Variants in SLC22A11 observed in about 807,000 individuals in gnomAD.
SLC22A11 encodes the protein organic anion transporter 4.
Under a neutral mutation model 49.4 loss-of-function variants are expected in SLC22A11, and 42 were observed. The ratio of observed to expected loss-of-function variants is 0.85; its 90% CI spans 0.66 to 1.10. SLC22A11 has a LOEUF of 1.10. Ranked by LOEUF, SLC22A11 falls within the 50% of genes least tolerant of loss-of-function variation. The pLI is 0.00. For synonymous variants in SLC22A11, 304 were observed against 315.8 expected, an observed-to-expected ratio of 0.96 and a Z score of 0.40; for missense variants, 685 against 731.6, an observed-to-expected ratio of 0.94 and a Z score of 0.74.
intron 2 of SLC22A11, among the ~76,000 whole-genome samples, chr11:64,560,896 C>T (rs2038534417): frequency 6.6e-6 from 1 of 152,218 alleles, no homozygotes; most frequent in Admixed American, 6.5e-5. Context: ...CCTTATCCCA[C>T]CCAGCCTTGT....
At position 64,559,031 on chromosome 11, in the gene SLC22A11, A is replaced by T. The variant is rs1018011685; in HGVS notation, c.394-104A>T. 4.3e-6 allele frequency: 4 copies of T among 937,936 alleles called. No homozygotes were observed. The African/African-American group carries it at 4.8e-5, about 11-fold the overall frequency. The allele number at this position is 937,936 out of a possible 1,614,324, so 58.1% of individuals were successfully genotyped here. ...GTCCTCTCTACCTCTGTGACCTGGC[A>T]CTGGGAGTCCAGGGACCCCAGTGTG... On this transcript the variant is annotated intron_variant, in intron 1 of 9. Coordinates refer to ENST00000301891, the MANE Select transcript of SLC22A11 (RefSeq NM_018484.4).
chr11:64,560,812 A>C (rs986018429), intron 2 of SLC22A11, among the ~76,000 whole-genome samples: 1 of 152,142 alleles, frequency 6.6e-6, no homozygotes, highest in Non-Finnish European at 1.5e-5. Context: ...TCATGAATGG[A>C]GGACTGCCTT....
Position 64,565,381 on chromosome 11 carries a change from G to A in SLC22A11, c.1058+44G>A, listed in dbSNP as rs143792611. 187 of 1,492,348 alleles carry A rather than the reference G, an allele frequency of 1.3e-4. 1 individual carries two copies. The Middle Eastern group carries it at 4.7e-3, about 37-fold the overall frequency. 92.4% of individuals were successfully genotyped at this position (1,492,348 alleles called of 1,614,324 possible). On this transcript the variant is annotated intron_variant, in intron 6 of 9. Transcript: ENST00000301891. This position sits in a 1 kb window ranked among gnomAD's most constrained non-coding sequence, Gnocchi z 4.1. Reference sequence around the variant, plus strand: ...CCTCCCCAAGGCAGGGCTGGGACAGGCAGGAGGCAGAGCTGGGACAGGCAG... The same window carrying A: ...CCTCCCCAAGGCAGGGCTGGGACAGACAGGAGGCAGAGCTGGGACAGGCAG...
chr11:64,559,290 G>A, intron 2 of SLC22A11, 52 bp downstream of exon 2: 2 of 1,360,304 alleles, frequency 1.5e-6, no homozygotes, highest in Non-Finnish European at 2.0e-6. Flanking sequence ...CATTGTTGAA[G>A]ACTATGGGGC....
At chr11:64,561,879 G>A in intron 2 of SLC22A11, 125 bp from the exon 3 acceptor site, 1 of 1,190,780 alleles carries the variant, frequency 8.4e-7, no homozygotes, top group Admixed American at 2.5e-5. Context: ...AAAGTTCCAA[G>A]AAGGAGGAGC....
intron 2 of SLC22A11, among the ~76,000 whole-genome samples, chr11:64,559,902 G>A (rs527402733): frequency 1.3e-5 from 2 of 152,276 alleles, no homozygotes; most frequent in South Asian, 4.1e-4. Context: ...CCTGCTGGCG[G>A]GGAGAAGCGT....
chr11:64,568,947 G>C (rs1385397841), intron 8 of SLC22A11, among the ~76,000 whole-genome samples, 169 bp downstream of exon 8: 1 of 152,236 alleles, frequency 6.6e-6, no homozygotes, highest in Non-Finnish European at 1.5e-5. Flanking sequence ...AAGCAGTACA[G>C]TAGAGCCCTG....
At position 64,568,756 on chromosome 11, in the gene SLC22A11, GA is replaced by G; in HGVS notation, c.1362del (p.Glu454AspfsTer9). On this transcript the variant is annotated frameshift_variant, in exon 8 of 10. Transcript: ENST00000301891. LOFTEE classifies it high-confidence loss of function. ...SLTCLTIYKA[E>X]LFPTPVRMTA... ...AACCTGCCTCACCATCTACAAGGCT[GA>G]ACTCTTTCCAACGCCAGTGCGGTAA... 1 of 1,613,988 alleles carries G rather than the reference GA, an allele frequency of 6.2e-7. No individual in the cohort carries two copies. The highest frequency in any genetic ancestry group is 8.5e-7 in the Non-Finnish European group (1 of 1,179,974).
rs2038721755 is a variant in SLC22A11 at position 64,572,874 on chromosome 11, T to C, written c.*1832T>C. The C allele has an allele frequency of 6.6e-6, 1 of 152,178 alleles. No homozygotes were observed. Among genetic ancestry groups the C allele is most frequent in the Admixed American group, 6.5e-5 (1 of 15,276 alleles). The allele number at this position is 152,178 out of a possible 1,614,324, so 9.4% of individuals were successfully genotyped here. A position where few individuals can be genotyped will look rare whatever the true frequency, so the allele number is the denominator to read the frequency against. On this transcript the variant is annotated 3_prime_UTR_variant, in exon 10 of 10. Transcript: ENST00000301891. ...ATGGAATTAAATTAGAAATCAATTA[T>C]GGAAAGAGATATAGAAAACCTCTTC...
intron 2 of SLC22A11, among the ~76,000 whole-genome samples, chr11:64,559,490 C>T (rs2038512618): frequency 6.6e-6 from 1 of 152,070 alleles, no homozygotes; most frequent in African/African-American, 2.4e-5. Flanking sequence ...TCCCCCACCG[C>T]CCCCATTTCC....
intron 1 of SLC22A11, among the ~76,000 whole-genome samples, chr11:64,557,351 T>C (rs1029329345): frequency 6.6e-6 from 1 of 152,162 alleles, no homozygotes; most frequent in Admixed American, 6.5e-5. Context: ...GCAGTCTGCA[T>C]GAGGGACAAA....
At chr11:64,559,332 A>G (rs2038510198) in intron 2 of SLC22A11, 94 bp downstream of exon 2, 2 of 941,582 alleles carry the variant, frequency 2.1e-6, no homozygotes, top group South Asian at 3.7e-5. Context: ...CAAACACCCC[A>G]TCCCTGCTTC....
chr11:64,561,206 G>T (rs945234393), intron 2 of SLC22A11, among the ~76,000 whole-genome samples: 4 of 152,224 alleles, frequency 2.6e-5, no homozygotes, highest in Non-Finnish European at 5.9e-5. Flanking sequence ...CGCCCCATGA[G>T]CACCCCCTTC....
intron 2 of SLC22A11, among the ~76,000 whole-genome samples, chr11:64,561,307 T>C (rs2038540600): frequency 6.6e-6 from 1 of 152,174 alleles, no homozygotes; most frequent in Admixed American, 6.5e-5. Context: ...ATAGCAGCCC[T>C]GTGAGGCATG....
intron 1 of SLC22A11, 134 bp downstream of exon 1, chr11:64,556,526 A>G: frequency 7.3e-7 from 1 of 1,377,638 alleles, no homozygotes; most frequent in Non-Finnish European, 9.8e-7. Context: ...CTCGTCAGCC[A>G]CACACAGGGG....
At chr11:64,561,164 G>A (rs1446970696) in intron 2 of SLC22A11, among the ~76,000 whole-genome samples, 1 of 152,194 alleles carries the variant, frequency 6.6e-6, no homozygotes, top group Non-Finnish European at 1.5e-5. Flanking sequence ...CGCAGCCCAG[G>A]GCACTCGGGC....
intron 2 of SLC22A11, among the ~76,000 whole-genome samples, chr11:64,559,547 G>A (rs926213150): frequency 2.6e-5 from 4 of 152,082 alleles, no homozygotes; most frequent in African/African-American, 4.8e-5. Flanking sequence ...CCATGCGGCC[G>A]TGCTTGGACC....
At chr11:64,567,523 T>C in intron 6 of SLC22A11, 76 bp from the exon 7 acceptor site, 1 of 1,386,178 alleles carries the variant, frequency 7.2e-7, no homozygotes, top group Non-Finnish European at 1.0e-6. Context: ...AGGCAGCTCC[T>C]GGTGGGAGGT....
In SLC22A11 at chr11:64,562,832, C is replaced by T. The variant is rs549026648; in HGVS notation, c.821+397C>T. ...GGCTGAACTTCGGCCACAGTGGAAG[C>T]GGCCGCTCTCCCGGTCCCCAAGGCC... On this transcript the variant is annotated intron_variant, in intron 4 of 9. Coordinates refer to ENST00000301891, the MANE Select transcript of SLC22A11 (RefSeq NM_018484.4). The surrounding 1 kb of genome is among the most constrained non-coding windows in gnomAD (Gnocchi z 4.4). 5.3e-5 allele frequency among the ~76,000 whole-genome samples: 8 copies of T among 152,340 alleles called. No homozygotes were observed. The highest frequency in any genetic ancestry group is 8.8e-5 in the Non-Finnish European group (6 of 68,026).
Sources: allele counts gnomAD v4.1 joint callset (sites outside exome capture counted in the v4.1 genomes callset), GRCh38; gene constraint gnomAD v4.1.1; non-coding constraint Gnocchi (gnomAD v3.1); transcripts MANE v1.5; gene names NCBI Gene and HGNC (gene_info 2026-07-23, HGNC 2026-07-21).